Variants in INO80 observed in about 807,000 individuals in gnomAD.
The protein encoded by INO80 is chromatin-remodeling ATPase INO80.
INO80 carries 20 observed loss-of-function variants against 203.4 expected under a neutral mutation model. The observed-to-expected ratio is 0.10, with a 90% CI of 0.07 to 0.14. The LOEUF (loss-of-function observed/expected upper bound fraction) is 0.14, where lower values mean the gene tolerates loss of function less well. Among genes scored for constraint, INO80 ranks in the 10% least tolerant of loss-of-function variants. The pLI is 1.00. For missense variants in INO80, 1,419 were observed against 1,914.4 expected (o/e 0.74, Z 4.83); for synonymous variants, 726 against 685.2 (o/e 1.06, Z -0.93).
At chr15:41,052,767 G>A (rs994919370) in intron 19 of INO80, among the ~76,000 whole-genome samples, 6 of 149,350 alleles carry the variant, frequency 4.0e-5, no homozygotes, top group Non-Finnish European at 8.9e-5. Flanking sequence ...GCTCACACCT[G>A]TAATCCTAGC....
At chr15:41,013,547 A>G (rs971774116) in intron 27 of INO80, among the ~76,000 whole-genome samples, 2 of 152,224 alleles carry the variant, frequency 1.3e-5, no homozygotes, top group African/African-American at 4.8e-5. Context: ...ATTTCAATCA[A>G]TGATTAAATA....
chr15:40,988,813 G>C (rs1344234084), intron 29 of INO80, among the ~76,000 whole-genome samples: 4 of 152,204 alleles, frequency 2.6e-5, no homozygotes, highest in Non-Finnish European at 5.9e-5. Flanking sequence ...TCAGGAGTTT[G>C]AGACCAGCCT....
chr15:41,053,687 T>G (rs1286757836), intron 19 of INO80, among the ~76,000 whole-genome samples: 4 of 152,240 alleles, frequency 2.6e-5, no homozygotes, highest in Non-Finnish European at 4.4e-5. Context: ...AGGGGATTCA[T>G]TATACTATCT....
At position 41,076,176 on chromosome 15, in the gene INO80, C is replaced by G. The variant is rs934528735; in HGVS notation, c.1132-1611G>C. On this transcript the variant is annotated intron_variant, in intron 9 of 35. Transcript: ENST00000648947. ...AGGAGTTCGAGATCAGCCTGGTCAA[C>G]ATGGAGAAACCTCGTCTCTGATAAA... is the stretch of plus-strand genomic sequence containing the variant. Among the ~76,000 whole-genome samples, 3 of 152,074 alleles carry G rather than the reference C, an allele frequency of 2.0e-5. 1 individual carries two copies. Among genetic ancestry groups the G allele is most frequent in the Non-Finnish European group, 4.4e-5 (3 of 68,014 alleles).
At chr15:40,993,118 G>A (rs1244307614) in intron 29 of INO80, among the ~76,000 whole-genome samples, 2 of 151,988 alleles carry the variant, frequency 1.3e-5, no homozygotes, top group African/African-American at 4.8e-5. Context: ...TGGCCTTCAG[G>A]ATGAAAAAAG....
intron 34 of INO80, 97 bp from the exon 35 acceptor site, chr15:40,983,174 T>G: frequency 1.6e-5 from 15 of 967,162 alleles, no homozygotes; most frequent in Non-Finnish European, 2.0e-5. Context: ...AGCGAGCTCT[T>G]AGGGCATTTG....
intron 1 of INO80, among the ~76,000 whole-genome samples, chr15:41,115,276 T>A (rs1212902551): frequency 6.6e-6 from 1 of 152,178 alleles, no homozygotes; most frequent in African/African-American, 2.4e-5. Flanking sequence ...GTTCTGTCAT[T>A]CCTAAACTGT....
intron 29 of INO80, among the ~76,000 whole-genome samples, chr15:40,992,179 G>A (rs968171073): frequency 2.0e-5 from 3 of 152,266 alleles, no homozygotes; most frequent in African/African-American, 7.2e-5. Flanking sequence ...GGCCTCTGCA[G>A]AGGGCTAAAA....
At chr15:41,079,171 T>TA (rs908035906) in intron 9 of INO80, among the ~76,000 whole-genome samples, 10 of 151,798 alleles carry the variant, frequency 6.6e-5, no homozygotes, top group Non-Finnish European at 1.2e-4. Context: ...GTACAGTAGG[T>TA]GAAGGGTAAG....
At chr15:41,089,114 C>T (rs1298371590) in intron 5 of INO80, among the ~76,000 whole-genome samples, 3 of 152,124 alleles carry the variant, frequency 2.0e-5, no homozygotes, top group African/African-American at 7.2e-5. Context: ...TGCCTGAACC[C>T]AGGAGGCAGA....
chr15:41,014,652 TTCAAGGGGC>T (rs2044177568), intron 27 of INO80, among the ~76,000 whole-genome samples: 1 of 152,192 alleles, frequency 6.6e-6, no homozygotes, highest in Non-Finnish European at 1.5e-5. Context: ...GTCAACAGCA[TTCAAGGGGC>T]TATGAAACCT....
intron 25 of INO80, among the ~76,000 whole-genome samples, chr15:41,021,763 G>A (rs972739597): frequency 1.3e-5 from 2 of 152,182 alleles, no homozygotes; most frequent in Non-Finnish European, 2.9e-5. Flanking sequence ...TTTGTTTCCT[G>A]GCTTGGCCAA....
In INO80 at chr15:41,096,215, G is replaced by C. The variant is rs745367387; in HGVS notation, c.96C>G (p.Asp32Glu). Residue 32 changes from aspartate to glutamate, a missense_variant, in exon 2 of 36, where the codon GAC (aspartate) becomes GAG (glutamate). Transcript: ENST00000648947. ...LQYLERALRLDHFLRQTSAIF... is the reference protein window; with the variant it reads ...LQYLERALRLEHFLRQTSAIF... ...TAGCTGACGTTTGTCGCAGAAAATG[G>C]TCCAACCGGAGGGCCCTCTCCAAGT... is the stretch of plus-strand genomic sequence containing the variant. 6.2e-7 allele frequency: 1 copy of C among 1,612,942 alleles called. No individual in the cohort carries two copies. Among genetic ancestry groups the C allele is most frequent in the Non-Finnish European group, 8.5e-7 (1 of 1,179,774 alleles).
At chr15:41,111,327 T>A (rs1178268061) in intron 1 of INO80, among the ~76,000 whole-genome samples, 4 of 152,074 alleles carry the variant, frequency 2.6e-5, no homozygotes, top group African/African-American at 9.7e-5. Context: ...ATGCCTGTAG[T>A]CCCGGTTACT....
chr15:41,098,342 C>T (rs376782045), intron 1 of INO80, among the ~76,000 whole-genome samples: 14 of 151,942 alleles, frequency 9.2e-5, no homozygotes, highest in African/African-American at 2.4e-4. Context: ...TTAGCCCATG[C>T]GAATTAAAAA....
At chr15:41,100,365 T>C (rs575337151) in intron 1 of INO80, among the ~76,000 whole-genome samples, 24 of 152,298 alleles carry the variant, frequency 1.6e-4, no homozygotes, top group African/African-American at 4.6e-4. Context: ...TGAGCCACTG[T>C]GCCCGGCCAA....
rs371784387 is a variant in INO80, at chr15:41,058,551, CTGTGTGTG to C, written c.1985+80_1985+87del. The C allele has an allele frequency of 2.6e-5, 23 of 872,652 alleles. No individual in the cohort carries two copies. The East Asian group carries it at 6.0e-4, about 23-fold the overall frequency. The allele number at this position is 872,652 out of a possible 1,614,324, so 54.1% of individuals were successfully genotyped here. ...CTTGATTTTATTCATATATACAAGT[CTGTGTGTG>C]TGTGTGTGTGCGTGTGTGTGTGTGT... On this transcript the variant is annotated intron_variant, in intron 16 of 35. Coordinates refer to ENST00000648947, the MANE Select transcript of INO80 (RefSeq NM_017553.3).
In INO80 at chr15:40,987,873, G is replaced by A. The variant is rs748354338; in HGVS notation, c.3672C>T (p.Leu1224=). Residue 1224 remains leucine, a synonymous_variant, in exon 30 of 36, where the codon CTC becomes CTT. Transcript: ENST00000648947. Reference sequence around the variant, plus strand: ...GTTCTTCAATGGTGCCTTTACAGATGAGCCGGTACACAGTAACCTGCTTTG... The same window carrying A: ...GTTCTTCAATGGTGCCTTTACAGATAAGCCGGTACACAGTAACCTGCTTTG... ...GQTKQVTVYR[L]ICKGTIEERI... The A allele has an allele frequency of 2.0e-5, 33 of 1,614,056 alleles. No individual in the cohort carries two copies. Among genetic ancestry groups the A allele is most frequent in the Non-Finnish European group, 2.6e-5 (31 of 1,180,028 alleles).
In INO80 at chr15:41,107,954, G is replaced by T. The variant is rs558374454; in HGVS notation, c.-44+8019C>A. Among the ~76,000 whole-genome samples, 410 of 152,100 alleles carry T rather than the reference G, an allele frequency of 2.7e-3. 3 individuals are homozygous for T. The highest frequency in any genetic ancestry group is 0.013 in the South Asian group (62 of 4,820). On this transcript the variant is annotated intron_variant, in intron 1 of 35. Coordinates refer to ENST00000648947, the MANE Select transcript of INO80 (RefSeq NM_017553.3). ...ATCTCTACTAAAAATACAAAAATTA[G>T]CCGGGCATGGTGGTGCATGCCTGTA...
Sources: allele counts gnomAD v4.1 joint callset (sites outside exome capture counted in the v4.1 genomes callset), GRCh38; gene constraint gnomAD v4.1.1; transcripts MANE v1.5; gene names NCBI Gene and HGNC (gene_info 2026-07-23, HGNC 2026-07-21).